The following IP6K1 variants were observed in gnomAD, a reference collection of about 807,000 sequenced individuals.
IP6K1 encodes the protein ATP:1D-myo-inositol-hexakisphosphate phosphotransferase.
Under a neutral mutation model 38.3 loss-of-function variants are expected in IP6K1, and 13 were observed. The observed-to-expected ratio is 0.34, with a 90% CI of 0.22 to 0.54. IP6K1 has a LOEUF of 0.54. Ranked by LOEUF, IP6K1 falls within the 20% of genes least tolerant of loss-of-function variation. The pLI, the probability that IP6K1 is intolerant of heterozygous loss-of-function variation, is 0.92. For missense variants in IP6K1, 397 were observed against 599.8 expected (o/e 0.66, Z 3.53); for synonymous variants, 212 against 229.9 (o/e 0.92, Z 0.70).
chr3:49,765,904 C>T (rs568840799), intron 1 of IP6K1, among the ~76,000 whole-genome samples: 18 of 151,000 alleles, frequency 1.2e-4, no homozygotes, highest in African/African-American at 3.6e-4. Context: ...AAGCCAGGCG[C>T]GGTGGCTCAC....
intron 3 of IP6K1, among the ~76,000 whole-genome samples, chr3:49,735,081 G>C (rs1252023838): frequency 6.6e-6 from 1 of 152,204 alleles, no homozygotes; most frequent in Non-Finnish European, 1.5e-5. Context: ...TAGACTGGGC[G>C]CAGTGGCTCA....
intron 1 of IP6K1, among the ~76,000 whole-genome samples, chr3:49,777,143 C>G (rs1320788528): frequency 6.8e-5 from 10 of 147,108 alleles, no homozygotes; most frequent in East Asian, 6.2e-4. Flanking sequence ...GGCTGAGGCA[C>G]AAAAATCACT....
rs900312645 is a variant in IP6K1 at position 49,726,412 on chromosome 3, G to A, written c.*710C>T. On this transcript the variant is annotated 3_prime_UTR_variant, in exon 6 of 6. Coordinates refer to ENST00000321599, the MANE Select transcript of IP6K1 (RefSeq NM_153273.4). ...CACTTCAGTGGGGTGGGAGGGAGTG[G>A]CCTTCTTAGGCAAGGGAACTTGGTG... 7 of 152,796 alleles carry A rather than the reference G, an allele frequency of 4.6e-5. No homozygotes were observed. The highest frequency in any genetic ancestry group is 1.7e-4 in the African/African-American group (7 of 41,598). 9.5% of individuals were successfully genotyped at this position (152,796 alleles called of 1,614,324 possible).
chr3:49,733,083 A>T (rs1444986218), intron 3 of IP6K1, 111 bp from the exon 4 acceptor site: 2 of 704,070 alleles, frequency 2.8e-6, no homozygotes, highest in African/African-American at 3.6e-5. Context: ...AGACCCTGCT[A>T]ATGGGTTGCA....
chr3:49,745,968 T>C lies in IP6K1; in HGVS notation c.223+1850A>G, dbSNP rs2080717878. 2.6e-5 allele frequency among the ~76,000 whole-genome samples: 4 copies of C among 151,854 alleles called. No homozygotes were observed. In the South Asian group the frequency reaches 8.3e-4, roughly 32 times the overall value. ...GACAATAACAAAAAAATCCTCTGCATCATTCGTTAGACATTAGGAAAAAGC... is the reference window on the plus strand; with the variant it reads ...GACAATAACAAAAAAATCCTCTGCACCATTCGTTAGACATTAGGAAAAAGC... On this transcript the variant is annotated intron_variant, in intron 2 of 5. Coordinates refer to ENST00000321599, the MANE Select transcript of IP6K1 (RefSeq NM_153273.4).
chr3:49,759,631 C>T (rs1308159531), intron 1 of IP6K1, among the ~76,000 whole-genome samples: 5 of 151,250 alleles, frequency 3.3e-5, no homozygotes, highest in Admixed American at 3.3e-4. Flanking sequence ...TCTATTTGAA[C>T]ATCCATCATG....
chr3:49,759,868 C>A (rs1229758397), intron 1 of IP6K1, among the ~76,000 whole-genome samples: 1 of 152,206 alleles, frequency 6.6e-6, no homozygotes, highest in Non-Finnish European at 1.5e-5. Flanking sequence ...TAGATTCCAG[C>A]TGTCTTCCAA....
chr3:49,748,070 C>T lies in IP6K1; in HGVS notation c.-30G>A. On this transcript the variant is annotated 5_prime_UTR_variant, in exon 2 of 6. Coordinates refer to ENST00000321599, the MANE Select transcript of IP6K1 (RefSeq NM_153273.4). ...TTGGGGGCCAGTTGCACACTGAGGGCAGAGGATGCAGCACATGGGCCACAA... is the reference window on the plus strand; with the variant it reads ...TTGGGGGCCAGTTGCACACTGAGGGTAGAGGATGCAGCACATGGGCCACAA... 2 of 1,611,358 alleles carry T rather than the reference C, an allele frequency of 1.2e-6. No homozygotes were observed. The highest frequency in any genetic ancestry group is 1.7e-6 in the Non-Finnish European group (2 of 1,179,320).
chr3:49,773,470 G>A (rs1030051263), intron 1 of IP6K1, among the ~76,000 whole-genome samples: 2 of 152,148 alleles, frequency 1.3e-5, no homozygotes, highest in Non-Finnish European at 2.9e-5. Flanking sequence ...AATTAGCTGG[G>A]CGTGGTGGCG....
intron 1 of IP6K1, among the ~76,000 whole-genome samples, chr3:49,760,852 T>C (rs2108249137): frequency 6.6e-6 from 1 of 152,240 alleles, no homozygotes; most frequent in Non-Finnish European, 1.5e-5. Context: ...ATTAACAAAT[T>C]ATGTACCCTT....
Position 49,747,851 on chromosome 3 carries a change from G to A in IP6K1, c.190C>T (p.Pro64Ser). The A allele has an allele frequency of 6.2e-7, 1 of 1,614,126 alleles. No homozygotes were observed. The highest frequency in any genetic ancestry group is 8.5e-7 in the Non-Finnish European group (1 of 1,179,988). ...REQRFYESLPPEMKEFTPEYK... is the reference protein window; with the variant it reads ...REQRFYESLPSEMKEFTPEYK... The stretch of plus-strand genomic sequence containing the variant: ...TCAGGGGTGAACTCCTTCATTTCGG[G>A]AGGGAGGGACTCGTAAAAGCGCTGT... The change falls in exon 2 of 6, where the codon CCC (proline) becomes TCC (serine). Residue 64 changes from proline to serine, a missense_variant. This residue lies in a region of IP6K1 where 171 missense variants were observed against 237.0 expected (regional missense o/e 0.72). Coordinates refer to ENST00000321599, the MANE Select transcript of IP6K1 (RefSeq NM_153273.4).
At position 49,728,160 on chromosome 3, in the gene IP6K1, C is replaced by A; in HGVS notation, c.735G>T (p.Met245Ile). Residue 245 changes from methionine (M) to isoleucine (I), a missense_variant, in exon 5 of 6, where the codon ATG becomes ATT. Transcript: ENST00000321599. Reference protein sequence around the residue: ...DASAEKAARQMRKCEQSTSAT... With the variant: ...DASAEKAARQIRKCEQSTSAT... Reference sequence around the variant, plus strand: ...CTGATGTGCTCTGCTCGCATTTCCGCATCTGCCGGGCTGCCTTCTCAGCTG... The same window carrying A: ...CTGATGTGCTCTGCTCGCATTTCCGAATCTGCCGGGCTGCCTTCTCAGCTG... 6.2e-7 allele frequency: 1 copy of A among 1,614,160 alleles called. No homozygotes were observed. Among genetic ancestry groups the A allele is most frequent in the Non-Finnish European group, 8.5e-7 (1 of 1,180,050 alleles).
intron 1 of IP6K1, among the ~76,000 whole-genome samples, chr3:49,782,068 G>A (rs1449429770): frequency 1.3e-5 from 2 of 150,880 alleles, no homozygotes; most frequent in East Asian, 3.9e-4. Flanking sequence ...ACTCCAGCTG[G>A]GCAACAGAGT....
At chr3:49,765,645 TAAAA>T (rs34536749) in intron 1 of IP6K1, among the ~76,000 whole-genome samples, 1 of 125,780 alleles carries the variant, frequency 8.0e-6, no homozygotes, top group Middle Eastern at 4.0e-3. Context: ...AGACTCGTCT[TAAAA>T]AAAAAAAAAA....
At position 49,726,810 on chromosome 3, in the gene IP6K1, G is replaced by C; in HGVS notation, c.*312C>G. ...CCACAGATCTCAAAGATCTAGACAA[G>C]AGAAACCAATGTCCAAGGGCACCCT... On this transcript the variant is annotated 3_prime_UTR_variant, in exon 6 of 6. Transcript: ENST00000321599. The C allele has an allele frequency of 4.6e-6, 2 of 434,052 alleles. No homozygotes were observed. Among genetic ancestry groups the C allele is most frequent in the Non-Finnish European group, 8.1e-6 (2 of 246,986 alleles). The allele number at this position is 434,052 out of a possible 1,614,324, so 26.9% of individuals were successfully genotyped here. A position where few individuals can be genotyped will look rare whatever the true frequency, so the allele number is the denominator to read the frequency against.
intron 2 of IP6K1, among the ~76,000 whole-genome samples, chr3:49,743,606 GTTTT>G (rs1169796903): frequency 1.5e-5 from 2 of 129,328 alleles, no homozygotes; most frequent in African/African-American, 5.5e-5. Flanking sequence ...TTGAGCCATA[GTTTT>G]TTTTTTTTGT....
At chr3:49,729,065 C>T (rs2080540371) in intron 4 of IP6K1, among the ~76,000 whole-genome samples, 1 of 151,776 alleles carries the variant, frequency 6.6e-6, no homozygotes, top group African/African-American at 2.4e-5. Flanking sequence ...AGCCATTTTC[C>T]TGCTTGTACC....
At chr3:49,729,636 G>A (rs2080546496) in intron 4 of IP6K1, among the ~76,000 whole-genome samples, 2 of 151,886 alleles carry the variant, frequency 1.3e-5, no homozygotes, top group African/African-American at 2.4e-5. Flanking sequence ...GAACTCCCCC[G>A]ACCTCAAGTG....
At chr3:49,752,654 T>A (rs538611552) in intron 1 of IP6K1, among the ~76,000 whole-genome samples, 5 of 151,956 alleles carry the variant, frequency 3.3e-5, no homozygotes, top group African/African-American at 1.2e-4. Flanking sequence ...ACGGGGTTTC[T>A]CATGTTGGCC....
Sources: allele counts gnomAD v4.1 joint callset (sites outside exome capture counted in the v4.1 genomes callset), GRCh38; gene constraint gnomAD v4.1.1; regional missense constraint gnomAD v4.1.1; transcripts MANE v1.5; gene names NCBI Gene and HGNC (gene_info 2026-07-23, HGNC 2026-07-21).